ANKRD31: variants seen among roughly 807,000 people sequenced by gnomAD.
ANKRD31 encodes the protein ankyrin repeat domain-containing protein 31.
ANKRD31 carries 147 observed loss-of-function variants against 186.0 expected under a neutral mutation model. The ratio of observed to expected loss-of-function variants is 0.79; its 90% CI spans 0.69 to 0.91. The LOEUF (loss-of-function observed/expected upper bound fraction) is 0.91, where lower values mean the gene tolerates loss of function less well. Among genes scored for constraint, ANKRD31 ranks in the 40% least tolerant of loss-of-function variants. The pLI, the probability that ANKRD31 is intolerant of heterozygous loss-of-function variation, is 0.00. For synonymous variants in ANKRD31, 673 were observed against 736.4 expected (o/e 0.91, Z 1.39); for missense variants, 1,986 against 2,148.8 (o/e 0.92, Z 1.50).
At chr5:75,079,276 T>G (rs1269079690) in intron 25 of ANKRD31, among the ~76,000 whole-genome samples, 1 of 152,226 alleles carries the variant, frequency 6.6e-6, no homozygotes, top group Non-Finnish European at 1.5e-5. Flanking sequence ...CGAAATGATA[T>G]GTAAACAGAT....
intron 17 of ANKRD31, among the ~76,000 whole-genome samples, 163 bp downstream of exon 17, chr5:75,137,693 T>G (rs182955095): frequency 1.8e-4 from 27 of 152,276 alleles, no homozygotes; most frequent in Admixed American, 4.6e-4. Flanking sequence ...ATAGATTTTC[T>G]AATCCATATA....
chr5:75,162,404 C>T (rs1752629213), intron 11 of ANKRD31, among the ~76,000 whole-genome samples: 1 of 152,176 alleles, frequency 6.6e-6, no homozygotes, highest in Non-Finnish European at 1.5e-5. Context: ...GCTGTATTTA[C>T]CCAATGCCTG....
At chr5:75,138,413 C>A (rs1750766177) in intron 16 of ANKRD31, among the ~76,000 whole-genome samples, 1 of 152,014 alleles carries the variant, frequency 6.6e-6, no homozygotes, top group Non-Finnish European at 1.5e-5. Context: ...AGAGAAGATT[C>A]TTTTGTGCTT....
At chr5:75,114,849 T>G (rs1267504540) in intron 19 of ANKRD31, among the ~76,000 whole-genome samples, 5 of 152,074 alleles carry the variant, frequency 3.3e-5, no homozygotes, top group Non-Finnish European at 5.9e-5. Flanking sequence ...AATTTACAGA[T>G]TCAATGCCAT....
intron 1 of ANKRD31, among the ~76,000 whole-genome samples, chr5:75,233,876 T>G (rs1267534051): frequency 1.3e-5 from 2 of 151,988 alleles, no homozygotes; most frequent in Non-Finnish European, 2.9e-5. Context: ...GAGATCATGC[T>G]ACTGCACTCC....
chr5:75,155,323 ATATAT>A lies in ANKRD31; in HGVS notation c.1708-983_1708-979del, dbSNP rs551934323. Among the ~76,000 whole-genome samples, 3 of 152,196 alleles carry A rather than the reference ATATAT, an allele frequency of 2.0e-5. No individual in the cohort carries two copies. In the South Asian group the frequency reaches 6.2e-4, roughly 32 times the overall value. On this transcript the variant is annotated intron_variant, in intron 11 of 25. Coordinates refer to ENST00000506364, the MANE Select transcript of ANKRD31 (RefSeq NM_001372053.1). The stretch of plus-strand genomic sequence containing the variant: ...TACATATTTTCTTACACAAATGGTC[ATATAT>A]TATATACACTCTGTATTTTGCCTTG...
At chr5:75,208,836 T>A (rs1402291420) in intron 4 of ANKRD31, among the ~76,000 whole-genome samples, 1 of 152,210 alleles carries the variant, frequency 6.6e-6, no homozygotes, top group Non-Finnish European at 1.5e-5. Flanking sequence ...ATATCCTCCA[T>A]CTCCTCTTCC....
intron 22 of ANKRD31, 67 bp downstream of exon 22, chr5:75,104,161 G>A: frequency 7.7e-7 from 1 of 1,303,142 alleles, no homozygotes; most frequent in Non-Finnish European, 1.0e-6. Flanking sequence ...TCTATATTAT[G>A]TGACAGCAAC....
At chr5:75,118,398 G>T in intron 17 of ANKRD31, 101 bp from the exon 18 acceptor site, 1 of 1,151,122 alleles carries the variant, frequency 8.7e-7, no homozygotes, top group Non-Finnish European at 1.1e-6. Context: ...GCTATCAAAA[G>T]AATGTTTTCA....
At chr5:75,187,143 T>TGTGC (rs1343813994) in intron 10 of ANKRD31, among the ~76,000 whole-genome samples, 1 of 145,510 alleles carries the variant, frequency 6.9e-6, no homozygotes, top group Non-Finnish European at 1.5e-5. Context: ...TGTGTGTGTG[T>TGTGC]GTGTGTTTTG....
chr5:75,135,164 C>T (rs933745433), intron 17 of ANKRD31, among the ~76,000 whole-genome samples: 2 of 152,078 alleles, frequency 1.3e-5, no homozygotes, highest in African/African-American at 2.4e-5. Context: ...AAGTTCTGGC[C>T]AGGGCAATCA....
Position 75,083,622 on chromosome 5 carries a change from C to T in ANKRD31, c.5575+650G>A, listed in dbSNP as rs373888056. Among the ~76,000 whole-genome samples, 628 of 151,746 alleles carry T rather than the reference C, an allele frequency of 4.1e-3. 3 individuals carry two copies. Among genetic ancestry groups the T allele is most frequent in the Non-Finnish European group, 5.3e-3 (359 of 67,930 alleles). On this transcript the variant is annotated intron_variant, in intron 24 of 25. Transcript: ENST00000506364. ...GTGTGCACCTGTAATCCCAGCTACT[C>T]GGGAGGCTGAGGCAGAAGAATCACT...
At chr5:75,221,051 C>T (rs1757271667) in intron 3 of ANKRD31, among the ~76,000 whole-genome samples, 1 of 152,144 alleles carries the variant, frequency 6.6e-6, no homozygotes. Context: ...AGGCCATTAT[C>T]CTTAGCAAAC....
At chr5:75,154,001 C>T (rs1477386451) in intron 12 of ANKRD31, among the ~76,000 whole-genome samples, 200 bp downstream of exon 12, 1 of 152,004 alleles carries the variant, frequency 6.6e-6, no homozygotes, top group African/African-American at 2.4e-5. Flanking sequence ...AAAAGTATTA[C>T]CTTTCTTTTT....
chr5:75,121,679 A>G (rs189462653), intron 17 of ANKRD31, among the ~76,000 whole-genome samples: 2 of 152,320 alleles, frequency 1.3e-5, no homozygotes, highest in Admixed American at 1.3e-4. Context: ...ATACAAATAC[A>G]TGAAATTAAA....
chr5:75,128,608 AT>A (rs1233833193), intron 17 of ANKRD31, among the ~76,000 whole-genome samples: 2 of 151,106 alleles, frequency 1.3e-5, no homozygotes, highest in African/African-American at 4.9e-5. Flanking sequence ...AGGTTCAGCC[AT>A]TCTCCTGCCT....
chr5:75,134,417 A>C (rs1715032665), intron 17 of ANKRD31, among the ~76,000 whole-genome samples: 1 of 152,232 alleles, frequency 6.6e-6, no homozygotes, highest in Non-Finnish European at 1.5e-5. Context: ...AATCTAGAAG[A>C]AATGGATAAA....
rs1178551300 is a variant in ANKRD31, at chr5:75,104,501, T to C, written c.5058A>G (p.Thr1686=). The part of the protein sequence containing the change: ...NRKTSSQQSP[T]GASESLAHQG... ...GATGTGCCAGAGATTCTGATGCCCC[T>C]GTAGGTGATTGCTGGGAACTTGTTT... The change falls in exon 22 of 26, where the codon ACA becomes ACG. Residue 1686 remains threonine (T), a synonymous_variant. Coordinates refer to ENST00000506364, the MANE Select transcript of ANKRD31 (RefSeq NM_001372053.1). The C allele has an allele frequency of 6.5e-7, 1 of 1,537,226 alleles. No homozygotes were observed. Among genetic ancestry groups the C allele is most frequent in the Admixed American group, 2.0e-5 (1 of 51,000 alleles).
intron 17 of ANKRD31, among the ~76,000 whole-genome samples, chr5:75,130,050 C>T (rs1461933881): frequency 2.6e-5 from 4 of 152,112 alleles, no homozygotes; most frequent in African/African-American, 9.7e-5. Flanking sequence ...TTAAAGATGG[C>T]GTGTCCAGAG....
Sources: gnomAD v4.1 joint callset for allele counts (sites outside exome capture counted in the v4.1 genomes callset) on GRCh38, gnomAD v4.1.1 for gene constraint, MANE v1.5 for transcripts, NCBI Gene and HGNC (gene_info 2026-07-23, HGNC 2026-07-21) for gene names.